Variants in KIAA1217 observed in about 807,000 individuals in gnomAD.
The protein encoded by KIAA1217 is sickle tail protein homolog.
Under a neutral mutation model 163.9 loss-of-function variants are expected in KIAA1217, and 88 were observed. The ratio of observed to expected loss-of-function variants is 0.54; its 90% CI spans 0.45 to 0.64. The LOEUF is 0.64. Ranked by LOEUF, KIAA1217 falls within the 30% of genes least tolerant of loss-of-function variation. The pLI, the probability that KIAA1217 is intolerant of heterozygous loss-of-function variation, is 0.00. For synonymous variants in KIAA1217, 903 were observed against 923.1 expected, an observed-to-expected ratio of 0.98 and a Z score of 0.39; for missense variants, 2,372 against 2,475.0, an observed-to-expected ratio of 0.96 and a Z score of 0.88.
chr10:23,827,217 A>T (rs933106047), intron 1 of KIAA1217, among the ~76,000 whole-genome samples: 1 of 152,204 alleles, frequency 6.6e-6, no homozygotes, highest in Non-Finnish European at 1.5e-5. Flanking sequence ...AGCTCTGGGA[A>T]TAAGGAGTGA....
chr10:24,429,422 A>G (rs530663712), intron 3 of KIAA1217, among the ~76,000 whole-genome samples: 5 of 152,022 alleles, frequency 3.3e-5, no homozygotes, highest in Non-Finnish European at 5.9e-5. Context: ...GATCTCTTTT[A>G]CCCAAATCTC....
chr10:24,209,417 A>T (rs1231944319), intron 1 of KIAA1217, among the ~76,000 whole-genome samples, 154 bp downstream of exon 1: 1 of 151,562 alleles, frequency 6.6e-6, no homozygotes, highest in Non-Finnish European at 1.5e-5. Context: ...TGAGTAGAGC[A>T]TAGAGAACTG....
chr10:24,376,763 A>C (rs534215056), intron 2 of KIAA1217, among the ~76,000 whole-genome samples: 23 of 152,186 alleles, frequency 1.5e-4, no homozygotes, highest in African/African-American at 4.6e-4. Flanking sequence ...GTCTGACTGA[A>C]TGAATGAATG....
chr10:23,910,671 G>A (rs1589059213), intron 1 of KIAA1217, among the ~76,000 whole-genome samples: 1 of 152,190 alleles, frequency 6.6e-6, no homozygotes, highest in South Asian at 2.1e-4. Flanking sequence ...GAGACAGCCT[G>A]CAGCTGTTTT....
chr10:24,022,093 T>C (rs906367672), intron 2 of KIAA1217, among the ~76,000 whole-genome samples: 1 of 151,252 alleles, frequency 6.6e-6, no homozygotes, highest in South Asian at 2.1e-4. Context: ...AGAAAAAAAC[T>C]GACAAACTGG....
chr10:24,054,162 G>A (rs1306830788), intron 2 of KIAA1217, among the ~76,000 whole-genome samples: 1 of 152,186 alleles, frequency 6.6e-6, no homozygotes, highest in African/African-American at 2.4e-5. Context: ...AAGTGATGGA[G>A]AGTAATGAGA....
chr10:24,496,827 A>G lies in KIAA1217; in HGVS notation c.1834+1631A>G, dbSNP rs77780678. 2.5e-3 allele frequency among the ~76,000 whole-genome samples: 385 copies of G among 152,284 alleles called. 1 individual carries two copies. Among genetic ancestry groups the G allele is most frequent in the Non-Finnish European group, 4.5e-3 (306 of 68,010 alleles). ...TTCTTTGTTCTAAAAACTCTTGTCA[A>G]TTTCTTTTCAAATGTGGGGAAAGGA... On this transcript the variant is annotated intron_variant, in intron 8 of 20. Coordinates refer to ENST00000376454, the MANE Select transcript of KIAA1217 (RefSeq NM_019590.5).
intron 2 of KIAA1217, among the ~76,000 whole-genome samples, chr10:24,029,862 T>C (rs921102637): frequency 6.6e-6 from 1 of 152,178 alleles, no homozygotes. Flanking sequence ...ATCATCTCTG[T>C]ATTGCAATGT....
At chr10:24,024,545 A>G (rs979486764) in intron 2 of KIAA1217, among the ~76,000 whole-genome samples, 3 of 151,710 alleles carry the variant, frequency 2.0e-5, no homozygotes, top group Admixed American at 1.3e-4. Flanking sequence ...GTAATTCTAC[A>G]TGTGGATATA....
At chr10:24,055,841 C>T (rs1050332384) in intron 2 of KIAA1217, among the ~76,000 whole-genome samples, 4 of 151,584 alleles carry the variant, frequency 2.6e-5, no homozygotes, top group Admixed American at 2.0e-4. Context: ...AGTTATTTCA[C>T]AAAATTTTTT....
chr10:23,800,489 A>C (rs1564432428), intron 1 of KIAA1217, among the ~76,000 whole-genome samples: 1 of 152,192 alleles, frequency 6.6e-6, no homozygotes, highest in South Asian at 2.1e-4. Context: ...GGGTTCTGTA[A>C]GATAATCATA....
chr10:24,021,315 G>A (rs1847721594), intron 2 of KIAA1217, among the ~76,000 whole-genome samples: 1 of 151,796 alleles, frequency 6.6e-6, no homozygotes, highest in African/African-American at 2.4e-5. Flanking sequence ...AGCAATCAAC[G>A]ATTGAAACTT....
chr10:24,521,271 A>C (rs1217844412), intron 11 of KIAA1217, among the ~76,000 whole-genome samples: 3 of 151,864 alleles, frequency 2.0e-5, no homozygotes, highest in Non-Finnish European at 4.4e-5. Context: ...CGGAGGTTAC[A>C]GTAAGCCAAG....
At chr10:24,135,245 G>T (rs916719439) in intron 2 of KIAA1217, among the ~76,000 whole-genome samples, 3 of 152,200 alleles carry the variant, frequency 2.0e-5, no homozygotes, top group Non-Finnish European at 4.4e-5. Flanking sequence ...GATGGTCCCC[G>T]TCTCAGCAAG....
chr10:24,103,757 T>C (rs150589877), intron 2 of KIAA1217, among the ~76,000 whole-genome samples: 1 of 151,974 alleles, frequency 6.6e-6, no homozygotes, highest in Non-Finnish European at 1.5e-5. Flanking sequence ...GACAAGGAAA[T>C]GGAATAGCCA....
intron 1 of KIAA1217, among the ~76,000 whole-genome samples, chr10:23,818,345 TAA>T (rs71472817): frequency 1.6e-4 from 22 of 134,802 alleles, no homozygotes; most frequent in Admixed American, 6.9e-4. Flanking sequence ...TATATATATA[TAA>T]AAAAATATAT....
intron 3 of KIAA1217, among the ~76,000 whole-genome samples, chr10:24,396,343 AAG>A (rs1397481666): frequency 1.4e-4 from 22 of 152,152 alleles, no homozygotes; most frequent in African/African-American, 5.3e-4. Context: ...TCTCAAAAAA[AAG>A]AGAAAAAAGA....
intron 1 of KIAA1217, among the ~76,000 whole-genome samples, chr10:23,987,169 A>T (rs1335789772): frequency 6.6e-6 from 1 of 152,076 alleles, no homozygotes; most frequent in Non-Finnish European, 1.5e-5. Context: ...CGAGGTCAGG[A>T]GATCGAGACC....
At chr10:24,492,794 T>G (rs2066308609) in intron 6 of KIAA1217, among the ~76,000 whole-genome samples, 1 of 103,790 alleles carries the variant, frequency 9.6e-6, no homozygotes, top group Non-Finnish European at 2.0e-5. Context: ...AAATTCAGGA[T>G]GCAGATGCAC....
Sources: gnomAD v4.1 joint callset for allele counts (sites outside exome capture counted in the v4.1 genomes callset) on GRCh38, gnomAD v4.1.1 for gene constraint, MANE v1.5 for transcripts, NCBI Gene and HGNC (gene_info 2026-07-23, HGNC 2026-07-21) for gene names.